TRMT2B: variants seen among roughly 807,000 people sequenced by gnomAD.
TRMT2B encodes tRNA (uracil-5-)-methyltransferase homolog B.
In TRMT2B, 34 loss-of-function variants were observed where a neutral mutation model predicts 39.7. The ratio of observed to expected loss-of-function variants is 0.86; its 90% CI spans 0.65 to 1.14. TRMT2B has a LOEUF of 1.14. Among genes scored for constraint, TRMT2B ranks in the 50% most tolerant of loss-of-function variants. TRMT2B has a pLI of 0.00. For missense variants in TRMT2B, 318 were observed against 377.2 expected, an observed-to-expected ratio of 0.84 and a Z score of 1.30; for synonymous variants, 132 against 137.3, an observed-to-expected ratio of 0.96 and a Z score of 0.27.
chrX:101,019,421 A>G lies in TRMT2B; in HGVS notation c.1169-18T>C. 8.3e-7 allele frequency: 1 copy of G among 1,209,592 alleles called. No homozygotes were observed. Among genetic ancestry groups the G allele is most frequent in the Non-Finnish European group, 1.1e-6 (1 of 894,870 alleles). Reference sequence around the variant, plus strand: ...GGTGATGCCTATGGAAGACAGGCCCACAGGACATAACTCAAGCCCAGCAGT... The same window carrying G: ...GGTGATGCCTATGGAAGACAGGCCCGCAGGACATAACTCAAGCCCAGCAGT... On this transcript the variant is annotated intron_variant, in intron 11 of 13. Coordinates refer to ENST00000372936, the MANE Select transcript of TRMT2B (RefSeq NM_024917.6).
chrX:100,988,620 A>G, the TRMT2B span: 6 of 825,455 alleles, frequency 7.3e-6, no homozygotes, highest in Non-Finnish European at 9.2e-6. Context: ...CAATTTCTAC[A>G]ATAGTATTCC....
intron 7 of TRMT2B, among the ~76,000 whole-genome samples, chrX:101,030,454 C>CTTTT (rs1331923176): frequency 1.4e-5 from 1 of 71,863 alleles, no homozygotes; most frequent in Non-Finnish European, 2.5e-5. Flanking sequence ...GATCTGCATT[C>CTTTT]TTTTTTTTTT....
the TRMT2B span, among the ~76,000 whole-genome samples, chrX:100,973,423 G>A: frequency 2.8e-5 from 3 of 105,587 alleles, no homozygotes; most frequent in Non-Finnish European, 5.9e-5. Flanking sequence ...CTGCCTCCCG[G>A]GCGGCGCTCG....
intron 7 of TRMT2B, among the ~76,000 whole-genome samples, chrX:101,032,163 G>A (rs185979215): frequency 1.9e-3 from 208 of 110,909 alleles, no homozygotes; most frequent in African/African-American, 6.7e-3. Flanking sequence ...GCAGGTGCCT[G>A]TAATCTGAGC....
At chrX:100,999,470 G>C in the TRMT2B span, among the ~76,000 whole-genome samples, 3 of 111,971 alleles carry the variant, frequency 2.7e-5, no homozygotes, top group African/African-American at 9.7e-5. Flanking sequence ...GAAGATAAAG[G>C]GTTGGAAGAC....
chrX:100,979,220 G>T, the TRMT2B span, among the ~76,000 whole-genome samples: 1 of 111,145 alleles, frequency 9.0e-6, no homozygotes, highest in South Asian at 3.8e-4. Flanking sequence ...GTTACCAGGG[G>T]GTTTTATACC....
the TRMT2B span, among the ~76,000 whole-genome samples, chrX:100,977,321 C>T: frequency 9.2e-6 from 1 of 109,086 alleles, no homozygotes; most frequent in African/African-American, 3.4e-5. Context: ...CCCATTCCCT[C>T]CCCTCACTAT....
the TRMT2B span, among the ~76,000 whole-genome samples, chrX:100,985,176 AAG>A: frequency 8.9e-6 from 1 of 112,069 alleles, no homozygotes; most frequent in Non-Finnish European, 1.9e-5. Context: ...ATCCCAGGGC[AAG>A]AGAGAGCAAG....
In TRMT2B at chrX:101,042,171, G is replaced by C; in HGVS notation, c.119C>G (p.Ser40Ter). 8.3e-7 allele frequency: 1 copy of C among 1,212,081 alleles called. No homozygotes were observed. Among genetic ancestry groups the C allele is most frequent in the Non-Finnish European group, 1.1e-6 (1 of 895,595 alleles). ...PWYARNPPGW[S>*]QLFLGTVCKG... Reference sequence around the variant, plus strand: ...ACATACTGTGCCCAGAAAGAGCTGTGACCATCCTGGTGGATTTCTGGCATA... The same window carrying C: ...ACATACTGTGCCCAGAAAGAGCTGTCACCATCCTGGTGGATTTCTGGCATA... The change falls in exon 3 of 14, where the codon TCA becomes TGA. Residue 40 changes from serine to a stop codon, truncating the protein, a stop_gained. Coordinates refer to ENST00000372936, the MANE Select transcript of TRMT2B (RefSeq NM_024917.6). LOFTEE classifies it high-confidence loss of function.
chrX:100,977,369 CTTTTTTTTTTTTTTTTTTTT>C, the TRMT2B span, among the ~76,000 whole-genome samples: 12 of 56,470 alleles, frequency 2.1e-4, 1 homozygote, highest in Admixed American at 2.8e-3. Flanking sequence ...CTACTCTCTT[CTTTTTTTTTTTTTTTTTTTT>C]TTTTTTTTTG....
chrX:100,986,176 C>A, the TRMT2B span, among the ~76,000 whole-genome samples: 1 of 111,772 alleles, frequency 8.9e-6, no homozygotes, highest in East Asian at 2.8e-4. Context: ...AAAGTGGTAT[C>A]CACCACCTCC....
chrX:100,977,444 G>A, the TRMT2B span, among the ~76,000 whole-genome samples: 34 of 95,346 alleles, frequency 3.6e-4, no homozygotes, highest in South Asian at 1.1e-3. Context: ...GCAGTGGCAC[G>A]ATCTCGGCTC....
the TRMT2B span, among the ~76,000 whole-genome samples, chrX:100,989,764 A>G: frequency 8.9e-6 from 1 of 112,130 alleles, no homozygotes; most frequent in Non-Finnish European, 1.9e-5. Flanking sequence ...TCAACTGTCA[A>G]TATTATAATG....
chrX:101,045,537 A>G (rs12843222), intron 2 of TRMT2B, among the ~76,000 whole-genome samples: 14,972 of 108,693 alleles, frequency 0.14, 1,003 homozygotes, highest in Non-Finnish European at 0.19. Context: ...TGGGAGACTG[A>G]GGCAGGCAGA....
chrX:100,974,162 C>T, the TRMT2B span: 2 of 1,192,606 alleles, frequency 1.7e-6, no homozygotes, highest in Non-Finnish European at 2.3e-6. Context: ...TTGAACAACT[C>T]TGGCAAAACT....
intron 7 of TRMT2B, among the ~76,000 whole-genome samples, chrX:101,031,739 A>G (rs776621941): frequency 9.1e-6 from 1 of 110,446 alleles, no homozygotes; most frequent in Admixed American, 9.8e-5. Context: ...AAATAGAAAG[A>G]TAAGTTAATG....
chrX:101,022,534 T>C (rs768436520), intron 8 of TRMT2B, among the ~76,000 whole-genome samples: 2 of 109,782 alleles, frequency 1.8e-5, no homozygotes, highest in East Asian at 2.9e-4. Flanking sequence ...GTCAGGAGAA[T>C]TGCTTGAACC....
the TRMT2B span, chrX:100,987,030 G>GGGT: frequency 2.3e-6 from 1 of 437,245 alleles, no homozygotes; most frequent in Non-Finnish European, 4.0e-6. Context: ...CACCCACAGT[G>GGGT]ATTCCTGACT....
chrX:100,973,426 G>A, the TRMT2B span, among the ~76,000 whole-genome samples: 1 of 105,692 alleles, frequency 9.5e-6, no homozygotes, highest in South Asian at 4.5e-4. Flanking sequence ...CCTCCCGGGC[G>A]GCGCTCGCCG....
Sources: allele counts gnomAD v4.1 joint callset (sites outside exome capture counted in the v4.1 genomes callset), GRCh38; gene constraint gnomAD v4.1.1; transcripts MANE v1.5; gene names NCBI Gene and HGNC (gene_info 2026-07-23, HGNC 2026-07-21).